Variants in LRRTM4 observed in about 807,000 individuals in gnomAD.
The protein encoded by LRRTM4 is leucine rich repeat transmembrane neuronal 4, also known as leucine-rich repeat transmembrane neuronal protein 4.
A neutral mutation model predicts 47.6 loss-of-function variants in LRRTM4; 25 were observed. The observed-to-expected ratio is 0.53, with a 90% CI of 0.38 to 0.73. The LOEUF (loss-of-function observed/expected upper bound fraction) is 0.73, where lower values mean the gene tolerates loss of function less well. LRRTM4 is among the 30% of genes least tolerant of loss of function. The pLI is 0.00. For missense variants in LRRTM4, 638 were observed against 713.4 expected, an observed-to-expected ratio of 0.89 and a Z score of 1.20; for synonymous variants, 311 against 269.5, an observed-to-expected ratio of 1.15 and a Z score of -1.51.
Position 77,050,168 on chromosome 2 carries a change from A to T in LRRTM4, c.1552-301252T>A, listed in dbSNP as rs185328543. 4.8e-3 allele frequency among the ~76,000 whole-genome samples: 567 copies of T among 119,292 alleles called. 5 individuals are homozygous for T. Among genetic ancestry groups the T allele is most frequent in the African/African-American group, 0.019 (535 of 28,334 alleles). The allele number at this position is 119,292 out of a possible 152,430, so 78.3% of individuals were successfully genotyped here. ...TTTTGCTTTGATTTTAATTCATTCT[A>T]AGCAATACAATCAGGGAATTTTATG... On this transcript the variant is annotated intron_variant, in intron 3 of 3. Coordinates refer to ENST00000409884, the MANE Select transcript of LRRTM4 (RefSeq NM_001134745.3).
intron 3 of LRRTM4, among the ~76,000 whole-genome samples, chr2:77,243,406 G>A (rs924397413): frequency 7.1e-5 from 8 of 112,876 alleles, no homozygotes; most frequent in African/African-American, 1.1e-4. Context: ...GCGAAACTCC[G>A]TCTCAAAATA....
At chr2:76,783,874 G>A (rs1486704389) in intron 3 of LRRTM4, among the ~76,000 whole-genome samples, 1 of 152,108 alleles carries the variant, frequency 6.6e-6, no homozygotes, top group Non-Finnish European at 1.5e-5. Flanking sequence ...GATGGGAGAA[G>A]AATGTGTATG....
chr2:76,980,046 G>C (rs147304104), intron 3 of LRRTM4, among the ~76,000 whole-genome samples: 4 of 152,060 alleles, frequency 2.6e-5, no homozygotes, highest in African/African-American at 9.6e-5. Context: ...CCCTTCTTTG[G>C]ATTTTATATA....
At chr2:76,949,802 TTGA>T (rs1361831426) in intron 3 of LRRTM4, among the ~76,000 whole-genome samples, 3 of 151,952 alleles carry the variant, frequency 2.0e-5, no homozygotes, top group Admixed American at 6.6e-5. Context: ...TAAAAATATT[TTGA>T]TGATGACATT....
intron 3 of LRRTM4, among the ~76,000 whole-genome samples, chr2:76,981,925 G>T (rs6750979): frequency 0.42 from 63,722 of 151,866 alleles, 15,856 homozygotes; most frequent in African/African-American, 0.68. Context: ...AGGAGTCTCA[G>T]TTTCTGGAAT....
At chr2:76,865,323 T>G (rs1237515167) in intron 3 of LRRTM4, among the ~76,000 whole-genome samples, 2 of 152,144 alleles carry the variant, frequency 1.3e-5, no homozygotes, top group African/African-American at 4.8e-5. Context: ...TCAGAAGTCA[T>G]GTTTGGATGC....
Position 76,788,710 on chromosome 2 carries a change from T to C in LRRTM4, c.1552-39794A>G, listed in dbSNP as rs536679036. On this transcript the variant is annotated intron_variant, in intron 3 of 3. Coordinates refer to ENST00000409884, the MANE Select transcript of LRRTM4 (RefSeq NM_001134745.3). The stretch of plus-strand genomic sequence containing the variant: ...GACTGTGTGTCTTTGTTCAGTGTCC[T>C]TTTATATCTATTCTATCAATGTGAT... 7.9e-5 allele frequency among the ~76,000 whole-genome samples: 12 copies of C among 152,320 alleles called. 1 individual carries two copies. The East Asian group carries it at 1.5e-3, about 20-fold the overall frequency.
chr2:77,071,002 G>A (rs989183620), intron 3 of LRRTM4, among the ~76,000 whole-genome samples: 28 of 152,054 alleles, frequency 1.8e-4, no homozygotes, highest in Admixed American at 1.3e-4. Flanking sequence ...AGTTACCCTT[G>A]GGATTACTAC....
At position 76,981,317 on chromosome 2, in the gene LRRTM4, C is replaced by A. The variant is rs558645840; in HGVS notation, c.1552-232401G>T. 3.9e-5 allele frequency among the ~76,000 whole-genome samples: 6 copies of A among 152,208 alleles called. No individual in the cohort carries two copies. The South Asian group carries it at 1.2e-3, about 32-fold the overall frequency. On this transcript the variant is annotated intron_variant, in intron 3 of 3. Coordinates refer to ENST00000409884, the MANE Select transcript of LRRTM4 (RefSeq NM_001134745.3). ...GAAATTATTTCTTAACTATCTCTCA[C>A]TCAGAAATCCACAGTTGGGAAGAGC...
chr2:77,230,194 C>G (rs1674925857), intron 3 of LRRTM4, among the ~76,000 whole-genome samples: 1 of 152,104 alleles, frequency 6.6e-6, no homozygotes, highest in Admixed American at 6.6e-5. Context: ...CTTTCAACAC[C>G]TATACTAAAC....
chr2:76,931,960 G>A (rs571237523), intron 3 of LRRTM4, among the ~76,000 whole-genome samples: 33 of 152,130 alleles, frequency 2.2e-4, no homozygotes, highest in Middle Eastern at 3.4e-3. Flanking sequence ...GTAAAAACAG[G>A]GTTTTAAGAC....
At chr2:76,837,327 C>T (rs527975827) in intron 3 of LRRTM4, among the ~76,000 whole-genome samples, 2 of 152,038 alleles carry the variant, frequency 1.3e-5, no homozygotes, top group Admixed American at 6.6e-5. Context: ...TTTCAAAAAA[C>T]CAGCTCCTGG....
intron 3 of LRRTM4, among the ~76,000 whole-genome samples, chr2:76,902,103 G>A (rs184832869): frequency 6.0e-4 from 92 of 152,180 alleles, no homozygotes; most frequent in African/African-American, 2.0e-3. Flanking sequence ...TTTTTAAAAT[G>A]TGAATTTTAT....
chr2:77,441,002 A>C (rs1675818217), intron 3 of LRRTM4, among the ~76,000 whole-genome samples: 1 of 152,254 alleles, frequency 6.6e-6, no homozygotes, highest in Admixed American at 6.5e-5. Flanking sequence ...TTATTCTTAC[A>C]AAAATCATTC....
At chr2:77,451,174 C>A (rs369331670) in intron 3 of LRRTM4, among the ~76,000 whole-genome samples, 1 of 152,048 alleles carries the variant, frequency 6.6e-6, no homozygotes, top group Admixed American at 6.6e-5. Context: ...CATTTGATCA[C>A]CCCCATCCCA....
At chr2:77,016,168 A>G (rs1354527232) in intron 3 of LRRTM4, among the ~76,000 whole-genome samples, 2 of 152,020 alleles carry the variant, frequency 1.3e-5, no homozygotes, top group Non-Finnish European at 2.9e-5. Flanking sequence ...AGGGCAGATC[A>G]AGAGGTCAAG....
At chr2:76,796,029 T>G (rs557983044) in intron 3 of LRRTM4, among the ~76,000 whole-genome samples, 2 of 124,330 alleles carry the variant, frequency 1.6e-5, no homozygotes, top group East Asian at 3.3e-4. Flanking sequence ...CGGAGTTCCC[T>G]TTCTGAGTCA....
intron 3 of LRRTM4, among the ~76,000 whole-genome samples, chr2:76,849,774 G>C (rs1034887132): frequency 6.6e-6 from 1 of 152,012 alleles, no homozygotes; most frequent in African/African-American, 2.4e-5. Flanking sequence ...ATAATTAAAG[G>C]TTTCTCATAG....
chr2:77,305,569 C>T (rs1306575745), intron 3 of LRRTM4, among the ~76,000 whole-genome samples: 1 of 152,052 alleles, frequency 6.6e-6, no homozygotes, highest in Non-Finnish European at 1.5e-5. Flanking sequence ...CTAGCAATTT[C>T]AGGTGTTTAA....
Sources: allele counts gnomAD v4.1 joint callset (sites outside exome capture counted in the v4.1 genomes callset), GRCh38; gene constraint gnomAD v4.1.1; transcripts MANE v1.5; gene names NCBI Gene and HGNC (gene_info 2026-07-23, HGNC 2026-07-21).